SMCHD1: variants seen among roughly 807,000 people sequenced by gnomAD.
The protein encoded by SMCHD1 is structural maintenance of chromosomes flexible hinge domain containing 1.
In SMCHD1, 78 loss-of-function variants were observed where a neutral mutation model predicts 254.7. The ratio of observed to expected loss-of-function variants is 0.31; its 90% CI spans 0.26 to 0.37. The LOEUF (loss-of-function observed/expected upper bound fraction) is 0.37, where lower values mean the gene tolerates loss of function less well. Ranked by LOEUF, SMCHD1 falls within the 10% of genes least tolerant of loss-of-function variation. The probability of loss-of-function intolerance (pLI) is 1.00; values close to 1 mark genes in which losing one functional copy is unlikely to be tolerated. For synonymous variants in SMCHD1, 766 were observed against 794.9 expected, an observed-to-expected ratio of 0.96 and a Z score of 0.61; for missense variants, 1,840 against 2,408.1, an observed-to-expected ratio of 0.76 and a Z score of 4.94.
chr18:2,720,334 AAC>A (rs1157599461), intron 19 of SMCHD1, among the ~76,000 whole-genome samples: 4 of 152,160 alleles, frequency 2.6e-5, no homozygotes, highest in African/African-American at 9.7e-5. Flanking sequence ...AATCTTGTTA[AAC>A]AATTCCTTAA....
At chr18:2,678,851 T>TTTG (rs1568118401) in intron 5 of SMCHD1, among the ~76,000 whole-genome samples, 2 of 26,818 alleles carry the variant, frequency 7.5e-5, no homozygotes, top group African/African-American at 9.9e-5. Flanking sequence ...TTGTTTGTTT[T>TTTG]TTTGTTTTTT....
At chr18:2,775,983 G>T in intron 42 of SMCHD1, 59 bp downstream of exon 42, 1 of 1,348,010 alleles carries the variant, frequency 7.4e-7, no homozygotes, top group Non-Finnish European at 1.0e-6. Flanking sequence ...TTTTATCAAA[G>T]CCTTGAATTT....
chr18:2,800,390 CT>C (rs1394550440), intron 47 of SMCHD1: 2 of 152,140 alleles, frequency 1.3e-5, no homozygotes, highest in African/African-American at 4.8e-5. Context: ...GGTATATTGG[CT>C]TTTGGTAGTT....
chr18:2,703,043 GTAT>G (rs1361509897), intron 12 of SMCHD1, among the ~76,000 whole-genome samples: 2 of 152,136 alleles, frequency 1.3e-5, no homozygotes, highest in Non-Finnish European at 2.9e-5. Flanking sequence ...ATCTTCTTAA[GTAT>G]TATTAGAAAA....
chr18:2,709,798 T>C (rs1284902832), intron 17 of SMCHD1, among the ~76,000 whole-genome samples: 5 of 152,232 alleles, frequency 3.3e-5, no homozygotes, highest in Non-Finnish European at 7.3e-5. Flanking sequence ...TCCTGGATAT[T>C]AATCCCTTAT....
At chr18:2,795,699 A>G (rs1482176239) in intron 45 of SMCHD1, among the ~76,000 whole-genome samples, 1 of 152,250 alleles carries the variant, frequency 6.6e-6, no homozygotes, top group Non-Finnish European at 1.5e-5. Flanking sequence ...GAGCACTTTT[A>G]TATAGAGAAC....
chr18:2,785,984 G>A (rs958459214), intron 45 of SMCHD1, among the ~76,000 whole-genome samples: 12 of 151,954 alleles, frequency 7.9e-5, no homozygotes, highest in South Asian at 4.1e-4. Context: ...TATTTGCAAC[G>A]TTTTGTTTAC....
At chr18:2,659,375 C>G (rs2073176357) in intron 1 of SMCHD1, among the ~76,000 whole-genome samples, 1 of 152,160 alleles carries the variant, frequency 6.6e-6, no homozygotes, top group Admixed American at 6.5e-5. Flanking sequence ...GCCTTGGCCT[C>G]CCAAAGTGCT....
At chr18:2,738,882 G>A (rs916666612) in intron 26 of SMCHD1, among the ~76,000 whole-genome samples, 2 of 152,158 alleles carry the variant, frequency 1.3e-5, no homozygotes, top group Admixed American at 6.6e-5. Flanking sequence ...TCATTGCTTA[G>A]TGAGAATTTT....
chr18:2,721,416 C>T (rs1242841190), intron 19 of SMCHD1, among the ~76,000 whole-genome samples: 1 of 151,892 alleles, frequency 6.6e-6, no homozygotes. Context: ...CTTTTTTATA[C>T]ATAAATCTAC....
Position 2,725,015 on chromosome 18 carries a change from C to G in SMCHD1, c.2700+20C>G. ...GGCAAGGTAAGCATTATGTATAGAT[C>G]CTATGATACTTGTTAAGTATTTATT... On this transcript the variant is annotated intron_variant, in intron 21 of 47. Transcript: ENST00000320876. 1 of 1,322,532 alleles carries G rather than the reference C, an allele frequency of 7.6e-7. No individual in the cohort carries two copies. Among genetic ancestry groups the G allele is most frequent in the Non-Finnish European group, 1.0e-6 (1 of 959,196 alleles). 81.9% of individuals were successfully genotyped at this position (1,322,532 alleles called of 1,614,324 possible).
chr18:2,668,224 G>A (rs2143812533), intron 3 of SMCHD1, among the ~76,000 whole-genome samples: 1 of 152,214 alleles, frequency 6.6e-6, no homozygotes, highest in East Asian at 1.9e-4. Flanking sequence ...TTTTAATTGT[G>A]TTATGGTTAC....
In SMCHD1 at chr18:2,804,883, A is replaced by G. The variant is rs2076419676; in HGVS notation, c.*2331A>G. 1 of 152,058 alleles carries G rather than the reference A, an allele frequency of 6.6e-6. No homozygotes were observed. The highest frequency in any genetic ancestry group is 2.1e-4 in the South Asian group (1 of 4,810). 9.4% of individuals were successfully genotyped at this position (152,058 alleles called of 1,614,324 possible). A position where few individuals can be genotyped will look rare whatever the true frequency, so the allele number is the denominator to read the frequency against. ...AGCCATTTATCCTGTGTTATGTGTT[A>G]TATAATCTGAAATTTGTCACAATGT... On this transcript the variant is annotated 3_prime_UTR_variant, in exon 48 of 48. Transcript: ENST00000320876.
rs775394344 is a variant in SMCHD1, at chr18:2,724,972, C to T, written c.2677C>T (p.Pro893Ser). ...CVIRGVTAKG[P>S]VNSCQGKNYN... is the part of the protein sequence containing the mutation. ...AATTCGAGGTGTTACAGCCAAGGGC[C>T]CTGTAAACTCTTGTCAAGGCAAGGT... The change falls in exon 21 of 48, where the codon CCT becomes TCT. Residue 893 changes from proline to serine, a missense_variant. Transcript: ENST00000320876. 2 of 1,582,482 alleles carry T rather than the reference C, an allele frequency of 1.3e-6. No homozygotes were observed. The highest frequency in any genetic ancestry group is 2.3e-5 in the East Asian group (1 of 44,320).
intron 3 of SMCHD1, among the ~76,000 whole-genome samples, chr18:2,672,914 C>T (rs1019078045): frequency 9.2e-5 from 14 of 152,146 alleles, no homozygotes; most frequent in African/African-American, 2.7e-4. Context: ...TCTAGATGTG[C>T]TTACTTTGGA....
intron 44 of SMCHD1, among the ~76,000 whole-genome samples, chr18:2,781,520 A>C (rs1469741010): frequency 6.6e-6 from 1 of 152,216 alleles, no homozygotes; most frequent in East Asian, 1.9e-4. Flanking sequence ...ATGAGAGCAA[A>C]TATTTTTAAA....
At chr18:2,666,783 A>G (rs946931167) in intron 2 of SMCHD1, 87 bp from the exon 3 acceptor site, 58 of 1,080,676 alleles carry the variant, frequency 5.4e-5, no homozygotes, top group Admixed American at 1.4e-4. Context: ...AAGATATTTC[A>G]TAGATAGAAT....
intron 17 of SMCHD1, among the ~76,000 whole-genome samples, chr18:2,708,907 T>TATATATATA (rs769432583): frequency 1.3e-4 from 6 of 44,696 alleles, no homozygotes; most frequent in South Asian, 1.0e-3. Flanking sequence ...TATATATATA[T>TATATATATA]AACATATTAA....
Position 2,729,385 on chromosome 18 carries a change from G to T in SMCHD1, c.3024G>T (p.Thr1008=), listed in dbSNP as rs781311866. Residue 1008 remains threonine, a synonymous_variant, in exon 24 of 48, where the codon ACG becomes ACT. Coordinates refer to ENST00000320876, the MANE Select transcript of SMCHD1 (RefSeq NM_015295.3). ...IQVQNIKKDQ[T]LKARIEIPSC... ...TTCAGAATATTAAAAAAGACCAGAC[G>T]CTTAAAGCAAGAATTGAAATACCTG... The T allele has an allele frequency of 2.6e-6, 4 of 1,533,980 alleles. No individual in the cohort carries two copies. The highest frequency in any genetic ancestry group is 3.5e-6 in the Non-Finnish European group (4 of 1,141,450).
Sources: allele counts gnomAD v4.1 joint callset (sites outside exome capture counted in the v4.1 genomes callset), GRCh38; gene constraint gnomAD v4.1.1; transcripts MANE v1.5; gene names NCBI Gene and HGNC (gene_info 2026-07-23, HGNC 2026-07-21).